The following GCFC2 variants were observed in gnomAD, a reference collection of about 807,000 sequenced individuals.
GCFC2 encodes the protein GC-rich sequence DNA-binding factor 2.
In GCFC2, 102 loss-of-function variants were observed where a neutral mutation model predicts 99.4. The ratio of observed to expected loss-of-function variants is 1.03; its 90% confidence interval spans 0.87 to 1.21. The LOEUF is 1.21. GCFC2 is among the 50% of genes most tolerant of loss of function. The pLI is 0.00. For missense variants in GCFC2, 973 were observed against 920.9 expected, an observed-to-expected ratio of 1.06 and a Z score of -0.73; for synonymous variants, 338 against 316.8, an observed-to-expected ratio of 1.07 and a Z score of -0.71.
At chr2:75,669,708 G>A (rs955715723) in intron 15 of GCFC2, among the ~76,000 whole-genome samples, 1 of 152,006 alleles carries the variant, frequency 6.6e-6, no homozygotes, top group Non-Finnish European at 1.5e-5. Flanking sequence ...GAGCGGCTCT[G>A]CATTTTAGCT....
Position 75,672,020 on chromosome 2 carries a change from A to G in GCFC2, c.1890-4T>C. 1 of 1,508,888 alleles carries G rather than the reference A, an allele frequency of 6.6e-7. No individual in the cohort carries two copies. Among genetic ancestry groups the G allele is most frequent in the East Asian group, 2.3e-5 (1 of 44,048 alleles). 93.5% of individuals were successfully genotyped at this position (1,508,888 alleles called of 1,614,324 possible). A position where few individuals can be genotyped will look rare whatever the true frequency, so the allele number is the denominator to read the frequency against. The stretch of plus-strand genomic sequence containing the variant: ...TGATGTTTTGTTTTCTACAGCACTA[A>G]TTAGAAACAAACGAAAGAGAAGAGA... On this transcript the variant is annotated splice_polypyrimidine_tract_variant and splice_region_variant and intron_variant, in intron 13 of 16. Transcript: ENST00000321027.
chr2:75,696,243 G>T lies in GCFC2; in HGVS notation c.790C>A (p.Pro264Thr). 6.7e-7 allele frequency: 1 copy of T among 1,489,988 alleles called. No homozygotes were observed. Among genetic ancestry groups the T allele is most frequent in the Non-Finnish European group, 9.4e-7 (1 of 1,068,402 alleles). 92.3% of individuals were successfully genotyped at this position (1,489,988 alleles called of 1,614,324 possible). A position where few individuals can be genotyped will look rare whatever the true frequency, so the allele number is the denominator to read the frequency against. ...TTTATAATTTCTAAATTTACTGGCG[G>T]AAATGAAATGGAAGTATCAAATTTC... is the stretch of plus-strand genomic sequence containing the variant. Reference protein sequence around the residue: ...VKKFDTSISFPPVNLEIIKKQ... With the variant: ...VKKFDTSISFTPVNLEIIKKQ... The change falls in exon 5 of 17, where the codon CCG becomes ACG. Residue 264 changes from proline to threonine, a missense_variant. Transcript: ENST00000321027.
At chr2:75,670,457 CCATGTATTTGCT>C in intron 14 of GCFC2, 173 bp from the exon 15 acceptor site, 1 of 476,318 alleles carries the variant, frequency 2.1e-6, no homozygotes, top group Non-Finnish European at 3.8e-6. Flanking sequence ...TTTCCAAACT[CCATGTATTTGCT>C]CATCTTATTT....
At chr2:75,693,105 A>G (rs1680160220) in intron 6 of GCFC2, among the ~76,000 whole-genome samples, 1 of 152,222 alleles carries the variant, frequency 6.6e-6, no homozygotes, top group Admixed American at 6.5e-5. Context: ...ACTTAAAACA[A>G]CAATTGGGAC....
At chr2:75,675,379 ATAC>A (rs144783828) in intron 12 of GCFC2, among the ~76,000 whole-genome samples, 21,127 of 152,088 alleles carry the variant, frequency 0.14, 3,608 homozygotes, top group African/African-American at 0.41. Context: ...GAATATGGAA[ATAC>A]TACTCTTATT....
Position 75,694,287 on chromosome 2 carries a change from C to A in GCFC2, c.974G>T (p.Ser325Ile). 8.4e-7 allele frequency: 1 copy of A among 1,194,006 alleles called. No individual in the cohort carries two copies. The highest frequency in any genetic ancestry group is 1.2e-6 in the Non-Finnish European group (1 of 820,616). 74.0% of individuals were successfully genotyped at this position (1,194,006 alleles called of 1,614,324 possible). A position where few individuals can be genotyped will look rare whatever the true frequency, so the allele number is the denominator to read the frequency against. ...TAAATTTTCCACATAAATTTTCATG[C>A]TTTTATAGAATTTACAATTTAGAGC... ...NQALNCKFYKSMKIYVENLID... is the reference protein window; with the variant it reads ...NQALNCKFYKIMKIYVENLID... Residue 325 changes from serine to isoleucine, a missense_variant, in exon 6 of 17, where the codon AGC becomes ATC. Transcript: ENST00000321027.
intron 14 of GCFC2, chr2:75,670,907 C>T (rs1679065680): frequency 6.6e-6 from 1 of 152,080 alleles, no homozygotes; most frequent in African/African-American, 2.4e-5. Flanking sequence ...AAATGTAATG[C>T]TTTTTCACAT....
At chr2:75,699,010 T>TC (rs1680457703) in intron 4 of GCFC2, among the ~76,000 whole-genome samples, 1 of 132,208 alleles carries the variant, frequency 7.6e-6, no homozygotes, top group African/African-American at 3.1e-5. Flanking sequence ...AAACTCTGTC[T>TC]CAAAAAAAAA....
At chr2:75,709,995 C>T (rs1408201165) in intron 1 of GCFC2, among the ~76,000 whole-genome samples, 1 of 152,216 alleles carries the variant, frequency 6.6e-6, no homozygotes, top group Non-Finnish European at 1.5e-5. Flanking sequence ...CTCAAAGGTA[C>T]TTCAAAATGA....
At chr2:75,698,532 T>G (rs1680432713) in intron 4 of GCFC2, among the ~76,000 whole-genome samples, 1 of 152,178 alleles carries the variant, frequency 6.6e-6, no homozygotes, top group African/African-American at 2.4e-5. Flanking sequence ...AGAAGATAAT[T>G]TATAATATGT....
chr2:75,700,141 C>A (rs1313304209), intron 4 of GCFC2, among the ~76,000 whole-genome samples: 1 of 152,098 alleles, frequency 6.6e-6, no homozygotes, highest in African/African-American at 2.4e-5. Context: ...AAGTGATCCA[C>A]CTGACTCAGC....
At chr2:75,703,464 T>A (rs77499832) in intron 2 of GCFC2, among the ~76,000 whole-genome samples, 2 of 152,262 alleles carry the variant, frequency 1.3e-5, no homozygotes, top group East Asian at 3.9e-4. Context: ...ACATCAGCCC[T>A]AGGGAAAATT....
chr2:75,674,576 AT>A (rs1387883261), intron 12 of GCFC2, among the ~76,000 whole-genome samples: 1 of 152,024 alleles, frequency 6.6e-6, no homozygotes, highest in African/African-American at 2.4e-5. Flanking sequence ...ATGAGTGTTT[AT>A]TTTTTTCATA....
At chr2:75,705,369 A>G (rs555522810) in intron 2 of GCFC2, among the ~76,000 whole-genome samples, 11 of 152,032 alleles carry the variant, frequency 7.2e-5, no homozygotes, top group Non-Finnish European at 1.2e-4. Flanking sequence ...CACGTCTGTA[A>G]TCCCAGCACT....
At position 75,689,088 on chromosome 2, in the gene GCFC2, A is replaced by G. The variant is rs1460130562; in HGVS notation, c.1477T>C (p.Cys493Arg). 6.3e-7 allele frequency: 1 copy of G among 1,599,076 alleles called. No homozygotes were observed. Among genetic ancestry groups the G allele is most frequent in the African/African-American group, 1.3e-5 (1 of 74,572 alleles). The change falls in exon 10 of 17, where the codon TGC (cysteine) becomes CGC (arginine). Residue 493 changes from cysteine to arginine, a missense_variant. Coordinates refer to ENST00000321027, the MANE Select transcript of GCFC2 (RefSeq NM_003203.5). The part of the protein sequence containing the change: ...DSYYEAFISL[C>R]IPKLLNPLIR... ...AGGGGATTTAAAAGCTTTGGTATGC[A>G]TAAACTAATGAAAGCTTCATAATAG...
At chr2:75,701,167 C>T in intron 4 of GCFC2, 23 bp downstream of exon 4, 2 of 1,199,224 alleles carry the variant, frequency 1.7e-6, no homozygotes, top group South Asian at 1.2e-5. Context: ...GAATCTAATA[C>T]ACATGGGATA....
Position 75,690,019 on chromosome 2 carries a change from C to CT in GCFC2, c.1288dup (p.Ser430LysfsTer2). The CT allele has an allele frequency of 6.2e-7, 1 of 1,610,252 alleles. No homozygotes were observed. Among genetic ancestry groups the CT allele is most frequent in the Non-Finnish European group, 8.5e-7 (1 of 1,177,712 alleles). On this transcript the variant is annotated frameshift_variant, in exon 9 of 17. Transcript: ENST00000321027. LOFTEE classifies it high-confidence loss of function. ...CTCTGCTGAAGGCAGTTCATCATCA[C>CT]TAGATGTTCCTTCCTGATGGTTACA...
chr2:75,670,299 CAAGT>C lies in GCFC2; in HGVS notation c.1957-19_1957-16del, dbSNP rs778830020. On this transcript the variant is annotated splice_polypyrimidine_tract_variant and intron_variant, in intron 14 of 16. Transcript: ENST00000321027. ...TTGCGGAAGAGCTAAAATAAAATAT[CAAGT>C]AAATATGTACCTTTTCTCCAAAGAG... 1 of 1,544,312 alleles carries C rather than the reference CAAGT, an allele frequency of 6.5e-7. No individual in the cohort carries two copies. The highest frequency in any genetic ancestry group is 8.9e-7 in the Non-Finnish European group (1 of 1,118,366).
At chr2:75,701,884 A>T (rs1168809554) in intron 3 of GCFC2, 11 of 1,046,656 alleles carry the variant, frequency 1.1e-5, no homozygotes, top group African/African-American at 8.4e-5. Context: ...TGTTAAAAAA[A>T]ATATATTTAT....
Sources: allele counts gnomAD v4.1 joint callset (sites outside exome capture counted in the v4.1 genomes callset), GRCh38; gene constraint gnomAD v4.1.1; transcripts MANE v1.5; gene names NCBI Gene and HGNC (gene_info 2026-07-23, HGNC 2026-07-21).